The following NUF2 variants were observed in gnomAD, a reference collection of about 807,000 sequenced individuals.
NUF2 encodes the protein kinetochore protein Nuf2.
Under a neutral mutation model 61.8 loss-of-function variants are expected in NUF2, and 34 were observed. The ratio of observed to expected loss-of-function variants is 0.55; its 90% confidence interval spans 0.42 to 0.73. NUF2 has a LOEUF of 0.73. Among genes scored for constraint, NUF2 ranks in the 30% least tolerant of loss-of-function variants. NUF2 has a pLI of 0.00. For synonymous variants in NUF2, 172 were observed against 181.6 expected (o/e 0.95, Z 0.42); for missense variants, 445 against 539.1 (o/e 0.83, Z 1.73).
chr1:163,339,137 A>C, intron 7 of NUF2: 1 of 398,112 alleles, frequency 2.5e-6, no homozygotes, highest in East Asian at 4.4e-5. Context: ...GTTAGAAAGG[A>C]TAGGTATGTG....
At chr1:163,329,549 A>G (rs1346114757) in intron 5 of NUF2, among the ~76,000 whole-genome samples, 1 of 152,192 alleles carries the variant, frequency 6.6e-6, no homozygotes, top group Non-Finnish European at 1.5e-5. Flanking sequence ...TAGTCATGAC[A>G]GAAGGCAAAT....
chr1:163,355,275 T>G, intron 13 of NUF2, 60 bp from the exon 14 acceptor site: 1 of 1,293,398 alleles, frequency 7.7e-7, no homozygotes, highest in Non-Finnish European at 1.1e-6. Flanking sequence ...TTCTTATAAC[T>G]CATTTGTAGT....
chr1:163,353,199 C>CT (rs917951730), intron 13 of NUF2, among the ~76,000 whole-genome samples: 34 of 152,276 alleles, frequency 2.2e-4, no homozygotes, highest in African/African-American at 7.5e-4. Flanking sequence ...TAATTGGTGT[C>CT]TTTCATTGTA....
At position 163,333,513 on chromosome 1, in the gene NUF2, T is replaced by C. The variant is rs544646895; in HGVS notation, c.338-3238T>C. The stretch of plus-strand genomic sequence containing the variant: ...CCATTTCCTGCCTTATTTTGGTCTA[T>C]TAAAATAAATTTTATTTTATATAAT... On this transcript the variant is annotated intron_variant, in intron 5 of 13. Transcript: ENST00000271452. 1.2e-4 allele frequency among the ~76,000 whole-genome samples: 19 copies of C among 152,030 alleles called. No individual in the cohort carries two copies. The East Asian group carries it at 2.1e-3, about 17-fold the overall frequency.
Position 163,336,849 on chromosome 1 carries a change from G to T in NUF2, c.435+1G>T. 6.3e-7 allele frequency: 1 copy of T among 1,583,900 alleles called. No individual in the cohort carries two copies. Among genetic ancestry groups the T allele is most frequent in the Non-Finnish European group, 8.7e-7 (1 of 1,152,854 alleles). On this transcript the variant is annotated splice_donor_variant, in intron 6 of 13. Transcript: ENST00000271452. LOFTEE classifies it high-confidence loss of function. ...GTATATGGAATTTCTTTGGCAATAT[G>T]TAAGATTTAAATATGTTTTGGGGTT...
intron 5 of NUF2, among the ~76,000 whole-genome samples, chr1:163,329,585 G>A (rs1326960537): frequency 1.3e-5 from 2 of 152,182 alleles, no homozygotes; most frequent in Non-Finnish European, 2.9e-5. Flanking sequence ...CACATAGCCA[G>A]AGGGAGCAAA....
intron 9 of NUF2, among the ~76,000 whole-genome samples, chr1:163,341,478 G>T (rs371559318): frequency 5.3e-5 from 8 of 152,204 alleles, no homozygotes; most frequent in African/African-American, 1.9e-4. Context: ...AAAGTGCTGG[G>T]ATTACAGGCA....
intron 1 of NUF2, among the ~76,000 whole-genome samples, chr1:163,323,764 G>A (rs1487360149): frequency 1.3e-5 from 2 of 152,132 alleles, no homozygotes; most frequent in East Asian, 3.9e-4. Flanking sequence ...TAAAAGGAAA[G>A]CTTGCAATCA....
chr1:163,322,166 G>C lies in NUF2; in HGVS notation c.-67G>C, dbSNP rs952325021. ...GGACGCTGGGCCTGGCGGTGTTTTC[G>C]TCGTGCTCAGCGGTGGGAGGAGGCG... On this transcript the variant is annotated 5_prime_UTR_variant, in exon 1 of 14. Coordinates refer to ENST00000271452, the MANE Select transcript of NUF2 (RefSeq NM_145697.3). 5.3e-5 allele frequency: 8 copies of C among 152,334 alleles called. No individual in the cohort carries two copies. Among genetic ancestry groups the C allele is most frequent in the Admixed American group, 4.6e-4 (7 of 15,284 alleles). The allele number at this position is 152,334 out of a possible 1,614,324, so 9.4% of individuals were successfully genotyped here. A position where few individuals can be genotyped will look rare whatever the true frequency, so the allele number is the denominator to read the frequency against.
intron 4 of NUF2, 98 bp from the exon 5 acceptor site, chr1:163,328,748 C>T (rs1343950728): frequency 7.7e-6 from 6 of 777,508 alleles, no homozygotes; most frequent in African/African-American, 3.5e-5. Context: ...GAAATATATC[C>T]AGAAATCTCT....
rs574039018 is a variant in NUF2, at chr1:163,325,089, G to T, written c.-20-943G>T. On this transcript the variant is annotated intron_variant, in intron 1 of 13. Transcript: ENST00000271452. ...TTTTTATGTGTTTTGTAGAGATAGG[G>T]TTTCATCATGTTGCCCAGGCTGGTC... is the stretch of plus-strand genomic sequence containing the variant. Among the ~76,000 whole-genome samples, 13 of 152,034 alleles carry T rather than the reference G, an allele frequency of 8.6e-5. No homozygotes were observed. In the East Asian group the frequency reaches 2.5e-3, roughly 29 times the overall value.
At chr1:163,325,077 TGTAGAGATA>T (rs1358854017) in intron 1 of NUF2, among the ~76,000 whole-genome samples, 2 of 151,980 alleles carry the variant, frequency 1.3e-5, no homozygotes, top group East Asian at 3.9e-4. Context: ...TTATGTGTTT[TGTAGAGATA>T]GGGTTTCATC....
chr1:163,328,993 A>AAT (rs1553230863), intron 5 of NUF2, 86 bp downstream of exon 5: 4 of 675,656 alleles, frequency 5.9e-6, no homozygotes, highest in East Asian at 2.8e-5. Context: ...AAAAAAAAAA[A>AAT]GGAAAAAAAC....
intron 5 of NUF2, among the ~76,000 whole-genome samples, chr1:163,332,516 C>G (rs972848749): frequency 2.0e-5 from 3 of 152,134 alleles, no homozygotes; most frequent in African/African-American, 7.2e-5. Context: ...ATTGGTTTCA[C>G]TGAGCCAAAA....
At chr1:163,327,100 ACACAC>A (rs1289532548) in intron 2 of NUF2, among the ~76,000 whole-genome samples, 4,892 of 145,292 alleles carry the variant, frequency 0.034, 90 homozygotes, top group Non-Finnish European at 0.047. Flanking sequence ...TCCTGTGTTC[ACACAC>A]ACACACACAC....
At chr1:163,351,510 TC>T (rs1651317172) in intron 13 of NUF2, among the ~76,000 whole-genome samples, 1 of 152,210 alleles carries the variant, frequency 6.6e-6, no homozygotes, top group Admixed American at 6.5e-5. Context: ...TTGCTTAGTG[TC>T]ACCTGCAGAT....
At chr1:163,333,391 A>G (rs1489554335) in intron 5 of NUF2, among the ~76,000 whole-genome samples, 1 of 152,048 alleles carries the variant, frequency 6.6e-6, no homozygotes, top group African/African-American at 2.4e-5. Flanking sequence ...GGAGTCTTAG[A>G]CCATTTACAT....
intron 2 of NUF2, among the ~76,000 whole-genome samples, chr1:163,326,915 T>C (rs1301206280): frequency 6.6e-6 from 1 of 152,150 alleles, no homozygotes; most frequent in Non-Finnish European, 1.5e-5. Context: ...CCAATAAACT[T>C]GTATTAATAT....
chr1:163,329,648 C>T (rs1004777249), intron 5 of NUF2, among the ~76,000 whole-genome samples: 2 of 152,172 alleles, frequency 1.3e-5, no homozygotes, highest in African/African-American at 4.8e-5. Context: ...CTTGTGAGAA[C>T]TCACTCACTG....
Sources: gnomAD v4.1 joint callset for allele counts (sites outside exome capture counted in the v4.1 genomes callset) on GRCh38, gnomAD v4.1.1 for gene constraint, MANE v1.5 for transcripts, NCBI Gene and HGNC (gene_info 2026-07-23, HGNC 2026-07-21) for gene names.